The following STIP1 variants were observed in gnomAD, a reference collection of about 807,000 sequenced individuals.
STIP1 encodes stress-induced-phosphoprotein 1.
In STIP1, 16 loss-of-function variants were observed where a neutral mutation model predicts 77.4. That is an observed-to-expected ratio of 0.21 (90% CI 0.14 to 0.31). The LOEUF (loss-of-function observed/expected upper bound fraction) is 0.31, where lower values mean the gene tolerates loss of function less well. Among genes scored for constraint, STIP1 ranks in the 10% least tolerant of loss-of-function variants. STIP1 has a pLI of 1.00. For synonymous variants in STIP1, 258 were observed against 246.6 expected, an observed-to-expected ratio of 1.05 and a Z score of -0.44; for missense variants, 524 against 684.8, an observed-to-expected ratio of 0.77 and a Z score of 2.62.
chr11:64,186,220 C>T lies in STIP1; in HGVS notation c.-42C>T, dbSNP rs1019700069. 6 of 1,549,386 alleles carry T rather than the reference C, an allele frequency of 3.9e-6. No homozygotes were observed. Among genetic ancestry groups the T allele is most frequent in the Non-Finnish European group, 5.2e-6 (6 of 1,146,154 alleles). On this transcript the variant is annotated 5_prime_UTR_variant, in exon 1 of 14. Transcript: ENST00000305218. ...GGCGCGTGCGGTTGGGAACGCGGAG[C>T]GGACGGATTCGATTCAACGGGGTTC...
intron 10 of STIP1, among the ~76,000 whole-genome samples, chr11:64,201,465 A>G (rs983702873): frequency 6.6e-5 from 10 of 152,258 alleles, no homozygotes; most frequent in Non-Finnish European, 1.3e-4. Context: ...GTCAAATACA[A>G]TTGTTTGACA....
At chr11:64,185,987 A>G (rs1226963527), upstream of STIP1, 6 of 1,541,450 alleles carry the variant, frequency 3.9e-6, no homozygotes, top group South Asian at 1.2e-5. Context: ...GGGTTTATAG[A>G]GGAGCGCCCA....
At chr11:64,200,898 G>T (rs77281744) in intron 10 of STIP1, among the ~76,000 whole-genome samples, 9,408 of 151,404 alleles carry the variant, frequency 0.062, 384 homozygotes, top group Middle Eastern at 0.15. Context: ...ACCATCTCCC[G>T]GGTATTTTAG....
rs972670146 is a variant in STIP1 at position 64,204,378 on chromosome 11, G to C, written c.*252G>C. On this transcript the variant is annotated 3_prime_UTR_variant, in exon 14 of 14. Coordinates refer to ENST00000305218, the MANE Select transcript of STIP1 (RefSeq NM_006819.3). ...TCCATGTCTCTTTCCCCTGCCCCTA[G>C]TTGCTGTCTCGGCTGCTCTCCCATA... The C allele has an allele frequency of 1.6e-4, 78 of 481,828 alleles. No homozygotes were observed. The highest frequency in any genetic ancestry group is 2.5e-4 in the Non-Finnish European group (70 of 274,728). The allele number at this position is 481,828 out of a possible 1,614,324, so 29.8% of individuals were successfully genotyped here.
chr11:64,204,123 G>T lies in STIP1; in HGVS notation c.1629G>T (p.Arg543=), dbSNP rs1440928384. 5.0e-6 allele frequency: 8 copies of T among 1,614,068 alleles called. No homozygotes were observed. Among genetic ancestry groups the T allele is most frequent in the Non-Finnish European group, 5.1e-6 (6 of 1,180,042 alleles). The change falls in exon 14 of 14, where the codon CGG becomes CGT. Residue 543 remains arginine, a synonymous_variant. Coordinates refer to ENST00000305218, the MANE Select transcript of STIP1 (RefSeq NM_006819.3). ...TGGATGTGGGTCTGATTGCAATTCG[G>T]TGATGACTTGTTCATCCCCCCTTCC... The part of the protein sequence containing the change: ...KLMDVGLIAI[R]
intron 9 of STIP1, 45 bp from the exon 10 acceptor site, chr11:64,200,121 TGGG>T: frequency 6.2e-7 from 1 of 1,611,398 alleles, no homozygotes; most frequent in Non-Finnish European, 8.5e-7. Context: ...CGGCTACACA[TGGG>T]GGCTTTTTGC....
At chr11:64,197,833 T>C (rs200561487) in intron 7 of STIP1, 21 bp from the exon 8 acceptor site, 132 of 1,610,436 alleles carry the variant, frequency 8.2e-5, no homozygotes, top group East Asian at 7.4e-4. Context: ...TAAGCAGTCC[T>C]TGTCCCTCTT....
chr11:64,202,409 T>C (rs1437076296), intron 10 of STIP1: 1 of 147,844 alleles, frequency 6.8e-6, no homozygotes, highest in African/African-American at 2.5e-5. Flanking sequence ...AATTTTTTTT[T>C]TTTTTTTTTT....
At position 64,197,584 on chromosome 11, in the gene STIP1, A is replaced by G. The variant is rs374531771; in HGVS notation, c.891A>G (p.Arg297=). 6.2e-7 allele frequency: 1 copy of G among 1,614,176 alleles called. No homozygotes were observed. Among genetic ancestry groups the G allele is most frequent in the East Asian group, 2.2e-5 (1 of 44,886 alleles). The change falls in exon 7 of 14, where the codon CGA becomes CGG. Residue 297 remains arginine, a synonymous_variant. Coordinates refer to ENST00000305218, the MANE Select transcript of STIP1 (RefSeq NM_006819.3). ...GGAGAGAAAACCGAGAAGACTATCG[A>G]CAGATTGCCAAGTAGGCTCAACCTT... ...EVGRENREDY[R]QIAKAYARIG...
chr11:64,203,683 G>C, intron 13 of STIP1, 61 bp downstream of exon 13: 5 of 1,603,214 alleles, frequency 3.1e-6, no homozygotes, highest in Non-Finnish European at 4.3e-6. Context: ...GCAGATGAGT[G>C]CACGCGGCTG....
Position 64,200,150 on chromosome 11 carries a change from C to G in STIP1, c.1121-19C>G, listed in dbSNP as rs774238164. 1 of 1,609,758 alleles carries G rather than the reference C, an allele frequency of 6.2e-7. No individual in the cohort carries two copies. Among genetic ancestry groups the G allele is most frequent in the Non-Finnish European group, 8.5e-7 (1 of 1,177,894 alleles). ...GGCTTTTTGCTTTTTAAAAGACAGTCTTTGTTTTTCTTCCCCAGGGGACTA... is the reference window on the plus strand; with the variant it reads ...GGCTTTTTGCTTTTTAAAAGACAGTGTTTGTTTTTCTTCCCCAGGGGACTA... On this transcript the variant is annotated intron_variant, in intron 9 of 13. Coordinates refer to ENST00000305218, the MANE Select transcript of STIP1 (RefSeq NM_006819.3).
rs766017391 is a variant in STIP1 at position 64,195,819 on chromosome 11, G to GT, written c.672+13dup. 209 of 1,613,964 alleles carry GT rather than the reference G, an allele frequency of 1.3e-4. No individual in the cohort carries two copies. In the South Asian group the frequency reaches 2.0e-3, roughly 16 times the overall value. ...TTCCAGAGAATAAGAAGCAGGTCTT[G>GT]TTTTTTTCTCTCCTCACTGTCACCT... On this transcript the variant is annotated splice_region_variant and intron_variant, in intron 5 of 13. Coordinates refer to ENST00000305218, the MANE Select transcript of STIP1 (RefSeq NM_006819.3).
chr11:64,194,309 A>G lies in STIP1; in HGVS notation c.340A>G (p.Asn114Asp). ...NNPQLKEGLQ[N>D]MEARLAERKF... ...CCCTCAACTGAAAGAGGGTTTACAGAATATGGAGGCCAGGTTGGCAGGTAG... is the reference window on the plus strand; with the variant it reads ...CCCTCAACTGAAAGAGGGTTTACAGGATATGGAGGCCAGGTTGGCAGGTAG... Residue 114 changes from asparagine to aspartate, a missense_variant, in exon 3 of 14, where the codon AAT becomes GAT. Coordinates refer to ENST00000305218, the MANE Select transcript of STIP1 (RefSeq NM_006819.3). The G allele has an allele frequency of 2.5e-6, 4 of 1,613,980 alleles. No individual in the cohort carries two copies. Among genetic ancestry groups the G allele is most frequent in the Non-Finnish European group, 3.4e-6 (4 of 1,179,980 alleles).
chr11:64,195,276 G>A (rs1412712511), intron 4 of STIP1, among the ~76,000 whole-genome samples: 2 of 152,064 alleles, frequency 1.3e-5, no homozygotes, highest in Non-Finnish European at 2.9e-5. Flanking sequence ...ACCACGCCCA[G>A]CTAATTTTTG....
At chr11:64,186,152 C>T, upstream of STIP1, 1 of 1,550,780 alleles carries the variant, frequency 6.4e-7, no homozygotes, top group East Asian at 2.4e-5. Context: ...GAGGAAGGGG[C>T]GGGAGCCGGG....
intron 4 of STIP1, 87 bp from the exon 5 acceptor site, chr11:64,195,558 C>G (rs1266097304): frequency 7.5e-7 from 1 of 1,341,264 alleles, no homozygotes. Flanking sequence ...ACACAAGAAT[C>G]TGACTTTAGT....
At chr11:64,197,059 G>GATCTC in intron 5 of STIP1, 1 of 609,444 alleles carries the variant, frequency 1.6e-6, no homozygotes, top group Non-Finnish European at 2.8e-6. Flanking sequence ...AGGTGGAAAA[G>GATCTC]GGGGAGTTTC....
chr11:64,198,025 C>A, intron 8 of STIP1, 51 bp downstream of exon 8: 2 of 1,557,546 alleles, frequency 1.3e-6, no homozygotes, highest in South Asian at 2.4e-5. Flanking sequence ...ATAATTGAGC[C>A]ATTGTTTCTT....
chr11:64,202,309 T>C (rs1946227010), intron 10 of STIP1: 1 of 152,280 alleles, frequency 6.6e-6, no homozygotes, highest in Non-Finnish European at 1.5e-5. Flanking sequence ...CTTGGCTCAC[T>C]GCAACCTCTG....
Sources: allele counts gnomAD v4.1 joint callset (sites outside exome capture counted in the v4.1 genomes callset), GRCh38; gene constraint gnomAD v4.1.1; transcripts MANE v1.5; gene names NCBI Gene and HGNC (gene_info 2026-07-23, HGNC 2026-07-21).